LRMDA: variants seen among roughly 807,000 people sequenced by gnomAD.
The protein encoded by LRMDA is leucine rich melanocyte differentiation associated.
LRMDA carries 18 observed loss-of-function variants against 29.8 expected under a neutral mutation model. The observed-to-expected ratio is 0.60, with a 90% CI of 0.42 to 0.90. The LOEUF (loss-of-function observed/expected upper bound fraction) is 0.90, where lower values mean the gene tolerates loss of function less well. LRMDA is among the 40% of genes least tolerant of loss of function. LRMDA has a pLI of 0.00. For synonymous variants in LRMDA, 125 were observed against 109.4 expected, an observed-to-expected ratio of 1.14 and a Z score of -0.89; for missense variants, 273 against 273.9, an observed-to-expected ratio of 1.00 and a Z score of 0.02.
Position 76,047,276 on chromosome 10 carries a change from A to G in LRMDA, c.371A>G (p.Lys124Arg). Residue 124 changes from lysine (K) to arginine (R), a missense_variant, in exon 4 of 7, where the codon AAG becomes AGG. Lys to Arg is a conservative substitution (Grantham distance 26, BLOSUM62 2). Transcript: ENST00000611255. ...ACPNELVSLE[K>R]DEEDYKRYRC... is the part of the protein sequence containing the mutation. ...CCCAACGAGCTGGTCAGCTTGGAAA[A>G]GGATGAGGAAGACTACAAGAGATAC... 1 of 1,613,290 alleles carries G rather than the reference A, an allele frequency of 6.2e-7. No homozygotes were observed. The highest frequency in any genetic ancestry group is 8.5e-7 in the Non-Finnish European group (1 of 1,179,604).
chr10:75,967,482 G>A (rs571695110), intron 2 of LRMDA, among the ~76,000 whole-genome samples: 10 of 152,094 alleles, frequency 6.6e-5, no homozygotes, highest in African/African-American at 1.4e-4. Flanking sequence ...TGTTATAATC[G>A]CAAAGAACTT....
intron 3 of LRMDA, among the ~76,000 whole-genome samples, chr10:76,041,189 T>C (rs1220058131): frequency 6.6e-6 from 1 of 152,234 alleles, no homozygotes; most frequent in Non-Finnish European, 1.5e-5. Context: ...AATGCCTCGA[T>C]GCGTCAAAAG....
intron 3 of LRMDA, among the ~76,000 whole-genome samples, chr10:76,039,074 A>G (rs528380498): frequency 6.6e-6 from 1 of 152,332 alleles, no homozygotes; most frequent in East Asian, 1.9e-4. Context: ...GTATTCTAAC[A>G]GCACAAGCCC....
At chr10:75,903,676 CT>C (rs1373266573) in intron 2 of LRMDA, among the ~76,000 whole-genome samples, 2 of 152,188 alleles carry the variant, frequency 1.3e-5, no homozygotes, top group African/African-American at 4.8e-5. Context: ...AGTGCGATCA[CT>C]AGGAGTCCCT....
At chr10:76,207,596 C>A (rs1189595379) in intron 5 of LRMDA, among the ~76,000 whole-genome samples, 2 of 152,160 alleles carry the variant, frequency 1.3e-5, no homozygotes, top group Non-Finnish European at 2.9e-5. Flanking sequence ...TTAGTGGAAG[C>A]CCTCTTTATC....
intron 2 of LRMDA, among the ~76,000 whole-genome samples, chr10:75,645,888 C>G (rs1333765139): frequency 6.6e-6 from 1 of 151,954 alleles, no homozygotes; most frequent in African/African-American, 2.4e-5. Flanking sequence ...TGTGTCCTGC[C>G]TTTTCTATTC....
intron 6 of LRMDA, among the ~76,000 whole-genome samples, chr10:76,462,537 C>T (rs916643598): frequency 2.6e-4 from 39 of 152,128 alleles, no homozygotes; most frequent in Admixed American, 2.2e-3. Context: ...GGGGTTTGGC[C>T]GCTATAGCTA....
intron 2 of LRMDA, among the ~76,000 whole-genome samples, chr10:75,439,127 T>C (rs1301422843): frequency 6.6e-6 from 1 of 152,200 alleles, no homozygotes; most frequent in Non-Finnish European, 1.5e-5. Flanking sequence ...CAGTGGAGAA[T>C]ACAGGCAGTT....
chr10:76,345,274 T>G lies in LRMDA; in HGVS notation c.601+20789T>G, dbSNP rs75983265. On this transcript the variant is annotated intron_variant, in intron 6 of 6. Coordinates refer to ENST00000611255, the MANE Select transcript of LRMDA (RefSeq NM_001305581.2). The stretch of plus-strand genomic sequence containing the variant: ...TTTTTAGTAGAGACGGGGTTTCACC[T>G]TGTTAGCCAGGATGGTCTCGATCTC... 3.4e-3 allele frequency among the ~76,000 whole-genome samples: 493 copies of G among 147,044 alleles called. 3 individuals are homozygous for G. Among genetic ancestry groups the G allele is most frequent in the African/African-American group, 0.011 (447 of 39,978 alleles).
At chr10:76,306,256 C>T (rs1840554565) in intron 5 of LRMDA, among the ~76,000 whole-genome samples, 1 of 152,188 alleles carries the variant, frequency 6.6e-6, no homozygotes, top group South Asian at 2.1e-4. Context: ...CATGGTTCTT[C>T]TTCAGATTTT....
At chr10:76,339,005 T>G (rs1841003933) in intron 6 of LRMDA, among the ~76,000 whole-genome samples, 2 of 152,156 alleles carry the variant, frequency 1.3e-5, no homozygotes, top group African/African-American at 2.4e-5. Context: ...CAGAAAAAAC[T>G]AACAAAGTCA....
At chr10:76,170,706 A>C (rs1898093) in intron 5 of LRMDA, among the ~76,000 whole-genome samples, 2 of 152,162 alleles carry the variant, frequency 1.3e-5, no homozygotes, top group Admixed American at 1.3e-4. Flanking sequence ...AATGTTATAC[A>C]TGTAAAATTT....
chr10:75,971,285 G>A (rs185811489), intron 2 of LRMDA, among the ~76,000 whole-genome samples: 18 of 152,262 alleles, frequency 1.2e-4, no homozygotes, highest in Non-Finnish European at 2.4e-4. Flanking sequence ...CTCCCCGTCT[G>A]CTGTTTTCCC....
At chr10:75,962,150 C>T (rs1428584316) in intron 2 of LRMDA, among the ~76,000 whole-genome samples, 1 of 152,166 alleles carries the variant, frequency 6.6e-6, no homozygotes, top group African/African-American at 2.4e-5. Flanking sequence ...GGGGTTAGGA[C>T]TTCAATACAT....
chr10:76,305,247 T>A (rs1840538739), intron 5 of LRMDA, among the ~76,000 whole-genome samples: 2 of 152,084 alleles, frequency 1.3e-5, no homozygotes, highest in African/African-American at 4.8e-5. Context: ...AAAAGAGGGC[T>A]TGTAGCATGT....
At chr10:76,045,627 G>A (rs954204190) in intron 3 of LRMDA, among the ~76,000 whole-genome samples, 1 of 152,064 alleles carries the variant, frequency 6.6e-6, no homozygotes, top group Non-Finnish European at 1.5e-5. Flanking sequence ...AACTTAGTTT[G>A]GAGAATAAAA....
At chr10:75,843,391 A>C (rs1844575243) in intron 2 of LRMDA, among the ~76,000 whole-genome samples, 1 of 152,214 alleles carries the variant, frequency 6.6e-6, no homozygotes, top group African/African-American at 2.4e-5. Context: ...ATCCTGAAGG[A>C]TAGTCAGGTC....
At chr10:76,164,292 T>G (rs1850696596) in intron 5 of LRMDA, among the ~76,000 whole-genome samples, 2 of 152,136 alleles carry the variant, frequency 1.3e-5, no homozygotes, top group Admixed American at 6.5e-5. Context: ...AACTGAGAAT[T>G]TTTTAGATTT....
chr10:76,191,786 A>T (rs1390544410), intron 5 of LRMDA, among the ~76,000 whole-genome samples: 1 of 152,214 alleles, frequency 6.6e-6, no homozygotes, highest in Non-Finnish European at 1.5e-5. Context: ...TGCAAAGGGC[A>T]TGAGATTATT....
Sources: allele counts gnomAD v4.1 joint callset (sites outside exome capture counted in the v4.1 genomes callset), GRCh38; gene constraint gnomAD v4.1.1; transcripts MANE v1.5; gene names NCBI Gene and HGNC (gene_info 2026-07-23, HGNC 2026-07-21).